SCFD2: variants seen among roughly 807,000 people sequenced by gnomAD.
SCFD2 encodes the protein sec1 family domain-containing protein 2.
Under a neutral mutation model 58.9 loss-of-function variants are expected in SCFD2, and 54 were observed. The ratio of observed to expected loss-of-function variants is 0.92; its 90% confidence interval spans 0.74 to 1.15. The LOEUF is 1.15. Among genes scored for constraint, SCFD2 ranks in the 50% most tolerant of loss-of-function variants. The pLI is 0.00. For synonymous variants in SCFD2, 321 were observed against 335.9 expected, an observed-to-expected ratio of 0.96 and a Z score of 0.49; for missense variants, 805 against 836.6, an observed-to-expected ratio of 0.96 and a Z score of 0.47.
chr4:53,233,605 C>T (rs755885551), intron 4 of SCFD2, among the ~76,000 whole-genome samples: 4 of 152,146 alleles, frequency 2.6e-5, no homozygotes, highest in African/African-American at 9.7e-5. Flanking sequence ...CCTATATATT[C>T]GACTCTCATT....
intron 4 of SCFD2, among the ~76,000 whole-genome samples, chr4:53,154,172 T>C (rs1444700147): frequency 6.6e-6 from 1 of 152,178 alleles, no homozygotes; most frequent in African/African-American, 2.4e-5. Flanking sequence ...TTTTTGTGTT[T>C]GTTTGCATTG....
intron 4 of SCFD2, among the ~76,000 whole-genome samples, chr4:53,187,701 A>T (rs1727778154): frequency 6.6e-6 from 1 of 152,078 alleles, no homozygotes; most frequent in Non-Finnish European, 1.5e-5. Flanking sequence ...AACAACAACA[A>T]TAACAAAATG....
chr4:53,218,851 G>A (rs1313943777), intron 4 of SCFD2, among the ~76,000 whole-genome samples: 1 of 152,158 alleles, frequency 6.6e-6, no homozygotes, highest in East Asian at 1.9e-4. Context: ...TGTTAGTTTT[G>A]CTTCTAACAG....
At chr4:53,062,381 C>T (rs768378121) in intron 5 of SCFD2, among the ~76,000 whole-genome samples, 13 of 123,784 alleles carry the variant, frequency 1.1e-4, no homozygotes, top group Non-Finnish European at 1.5e-4. Flanking sequence ...GAAAAAAATA[C>T]GTACAATAAC....
At chr4:53,179,685 A>T (rs1332604135) in intron 4 of SCFD2, among the ~76,000 whole-genome samples, 1 of 152,220 alleles carries the variant, frequency 6.6e-6, no homozygotes, top group Non-Finnish European at 1.5e-5. Flanking sequence ...TAAATGCTCC[A>T]ATTAAAAGAC....
At chr4:53,330,355 G>A (rs1322919723) in intron 2 of SCFD2, among the ~76,000 whole-genome samples, 5 of 151,864 alleles carry the variant, frequency 3.3e-5, no homozygotes, top group Admixed American at 1.3e-4. Context: ...GAAAGGTCGG[G>A]TTACCCTCAA....
At chr4:53,343,618 C>A (rs1362759396) in intron 2 of SCFD2, among the ~76,000 whole-genome samples, 2 of 152,150 alleles carry the variant, frequency 1.3e-5, no homozygotes. Flanking sequence ...CCAGCATCAT[C>A]CTGATATTAA....
At position 52,907,512 on chromosome 4, in the gene SCFD2, T is replaced by C; in HGVS notation, c.1787A>G (p.His596Arg). Residue 596 changes from histidine (H) to arginine (R), a missense_variant, in exon 7 of 9, where the codon CAC becomes CGC. Around this residue, in one of 3 missense-constraint regions of SCFD2, gnomAD observed 633 missense variants for 646.8 expected, o/e 0.98. Coordinates refer to ENST00000401642, the MANE Select transcript of SCFD2 (RefSeq NM_152540.4). ...GAGATCAGTGAGGCCTGAAGACATG[T>C]GTTCAATATCAACGGAATCTGGCCT... ...PERPDSVDIEHMSSGLTDLLK... is the reference protein window; with the variant it reads ...PERPDSVDIERMSSGLTDLLK... 1 of 1,614,002 alleles carries C rather than the reference T, an allele frequency of 6.2e-7. No homozygotes were observed. The highest frequency in any genetic ancestry group is 8.5e-7 in the Non-Finnish European group (1 of 1,179,856).
chr4:53,305,329 G>C (rs1032366418), intron 3 of SCFD2, among the ~76,000 whole-genome samples: 1 of 152,010 alleles, frequency 6.6e-6, no homozygotes, highest in Admixed American at 6.6e-5. Flanking sequence ...TGTATATAGT[G>C]TAACATAAGG....
chr4:53,300,264 C>A (rs1732228285), intron 3 of SCFD2, among the ~76,000 whole-genome samples: 1 of 151,452 alleles, frequency 6.6e-6, no homozygotes, highest in Non-Finnish European at 1.5e-5. Flanking sequence ...ATCTACCAAG[C>A]AAATGGAAAA....
chr4:52,998,817 A>G (rs910638987), intron 5 of SCFD2, among the ~76,000 whole-genome samples: 1 of 152,218 alleles, frequency 6.6e-6, no homozygotes, highest in Non-Finnish European at 1.5e-5. Context: ...TAATAATAAT[A>G]TTAACAATAA....
At chr4:52,984,665 T>G (rs1721449050) in intron 5 of SCFD2, among the ~76,000 whole-genome samples, 1 of 152,238 alleles carries the variant, frequency 6.6e-6, no homozygotes, top group Non-Finnish European at 1.5e-5. Context: ...TTCTTCTTGT[T>G]GAATCATCAA....
intron 5 of SCFD2, among the ~76,000 whole-genome samples, chr4:52,962,462 T>C (rs1162230879): frequency 1.3e-5 from 2 of 152,156 alleles, no homozygotes; most frequent in African/African-American, 4.8e-5. Context: ...TGAGTTGAAA[T>C]AGTCTTCCCT....
Position 52,941,642 on chromosome 4 carries a change from A to C in SCFD2, c.1562-20772T>G, listed in dbSNP as rs771100416. The stretch of plus-strand genomic sequence containing the variant: ...TCTGGCACACAGAAGGCACATGCCA[A>C]ATGCTTGTTGAATGAATGGCTCCAT... On this transcript the variant is annotated intron_variant, in intron 5 of 8. Coordinates refer to ENST00000401642, the MANE Select transcript of SCFD2 (RefSeq NM_152540.4). Among the ~76,000 whole-genome samples the C allele has an allele frequency of 1.9e-4, 29 of 152,342 alleles. 1 individual carries two copies. The highest frequency in any genetic ancestry group is 3.2e-4 in the Non-Finnish European group (22 of 68,022).
chr4:52,902,765 C>T (rs939478152), intron 7 of SCFD2, among the ~76,000 whole-genome samples: 5 of 152,224 alleles, frequency 3.3e-5, no homozygotes, highest in African/African-American at 1.2e-4. Flanking sequence ...GATGATGACA[C>T]TTAGGCACAA....
intron 5 of SCFD2, among the ~76,000 whole-genome samples, chr4:53,144,990 C>T (rs1410909186): frequency 2.6e-5 from 4 of 152,150 alleles, no homozygotes; most frequent in African/African-American, 9.7e-5. Context: ...AGATCAGCGG[C>T]AGCATTCGAT....
intron 7 of SCFD2, among the ~76,000 whole-genome samples, chr4:52,889,706 A>C (rs918237359): frequency 3.9e-5 from 6 of 152,212 alleles, no homozygotes; most frequent in Admixed American, 1.3e-4. Context: ...ATTTTAAAGT[A>C]AACAAACCAG....
At chr4:53,353,731 C>G (rs904981352) in intron 1 of SCFD2, among the ~76,000 whole-genome samples, 2 of 150,938 alleles carry the variant, frequency 1.3e-5, no homozygotes, top group African/African-American at 4.9e-5. Context: ...TAGCTAGACA[C>G]AGAGCACTGA....
intron 2 of SCFD2, among the ~76,000 whole-genome samples, chr4:53,326,148 T>C (rs1329409617): frequency 6.6e-6 from 1 of 152,114 alleles, no homozygotes; most frequent in Non-Finnish European, 1.5e-5. Context: ...TTTTATTTTA[T>C]TTTATTTTAT....
Sources: gnomAD v4.1 joint callset for allele counts (sites outside exome capture counted in the v4.1 genomes callset) on GRCh38, gnomAD v4.1.1 for gene constraint, gnomAD v4.1.1 regional missense constraint, MANE v1.5 for transcripts, NCBI Gene and HGNC (gene_info 2026-07-23, HGNC 2026-07-21) for gene names.